The following NEURL1B variants were observed in gnomAD, a reference collection of about 807,000 sequenced individuals.
The protein encoded by NEURL1B is neuralized E3 ubiquitin protein ligase 1B, also known as E3 ubiquitin-protein ligase NEURL1B.
NEURL1B carries 13 observed loss-of-function variants against 37.4 expected under a neutral mutation model. The observed-to-expected ratio is 0.35, with a 90% CI of 0.23 to 0.55. The LOEUF (loss-of-function observed/expected upper bound fraction) is 0.55. Among genes scored for constraint, NEURL1B ranks in the 20% least tolerant of loss-of-function variants. The pLI is 0.89. For synonymous variants in NEURL1B, 432 were observed against 426.6 expected, an observed-to-expected ratio of 1.01 and a Z score of -0.16; for missense variants, 790 against 879.2, an observed-to-expected ratio of 0.90 and a Z score of 1.28.
intron 1 of NEURL1B, among the ~76,000 whole-genome samples, chr5:172,648,736 T>C (rs1176700720): frequency 6.6e-6 from 1 of 152,274 alleles, no homozygotes; most frequent in African/African-American, 2.4e-5. Flanking sequence ...GGTTCATTTT[T>C]AATTGCTCAC....
chr5:172,660,865 A>G (rs186247706), intron 1 of NEURL1B, among the ~76,000 whole-genome samples: 7 of 152,246 alleles, frequency 4.6e-5, no homozygotes, highest in Admixed American at 4.6e-4. Context: ...TCCTGACCTC[A>G]GGTGATCTGT....
At chr5:172,671,741 T>C (rs6875344) in intron 2 of NEURL1B, among the ~76,000 whole-genome samples, 117,158 of 152,278 alleles carry the variant, frequency 0.77, 45,998 homozygotes, top group African/African-American at 0.94. Flanking sequence ...AGCCCTGCAT[T>C]TTGTGGGAAA....
chr5:172,670,209 C>T lies in NEURL1B; in HGVS notation c.456C>T (p.Gly152=). 2.1e-6 allele frequency: 3 copies of T among 1,453,348 alleles called. No homozygotes were observed. The highest frequency in any genetic ancestry group is 2.8e-5 in the East Asian group (1 of 35,886). The allele number at this position is 1,453,348 out of a possible 1,614,324, so 90.0% of individuals were successfully genotyped here. ...TVLAYWADRH[G]RVFYSVNDGE... ...TGGCCTACTGGGCCGACCGCCACGG[C>T]CGCGTGTTCTACAGCGTGAACGACG... Residue 152 remains glycine, a synonymous_variant, in exon 2 of 5, where the codon GGC becomes GGT. Transcript: ENST00000369800.
intron 2 of NEURL1B, among the ~76,000 whole-genome samples, chr5:172,680,452 G>A (rs567813971): frequency 2.1e-4 from 32 of 152,348 alleles, no homozygotes; most frequent in Non-Finnish European, 3.5e-4. Context: ...TAAGGCCAGC[G>A]CCTTTAGGGG....
intron 1 of NEURL1B, among the ~76,000 whole-genome samples, chr5:172,656,327 C>T (rs1757776310): frequency 6.6e-6 from 1 of 152,046 alleles, no homozygotes; most frequent in Admixed American, 6.5e-5. Flanking sequence ...AAAAAGGTTG[C>T]TTTACTAGGA....
At chr5:172,666,291 A>C (rs929187557) in intron 1 of NEURL1B, among the ~76,000 whole-genome samples, 1 of 152,202 alleles carries the variant, frequency 6.6e-6, no homozygotes, top group Non-Finnish European at 1.5e-5. Context: ...ACTTTGGGCA[A>C]GTGACTGAAC....
chr5:172,690,698 T>G lies in NEURL1B; in HGVS notation c.*3773T>G, dbSNP rs1249209715. ...GGTGGGTGCCCAAAGGCTGCCTTCT[T>G]GACCAGAACCTGCTGTGCGCTTCAC... On this transcript the variant is annotated 3_prime_UTR_variant, in exon 5 of 5. Coordinates refer to ENST00000369800, the MANE Select transcript of NEURL1B (RefSeq NM_001142651.3). 1 of 152,188 alleles carries G rather than the reference T, an allele frequency of 6.6e-6. No homozygotes were observed. The highest frequency in any genetic ancestry group is 1.5e-5 in the Non-Finnish European group (1 of 68,076). The allele number at this position is 152,188 out of a possible 1,614,324, so 9.4% of individuals were successfully genotyped here.
rs970447317 is a variant in NEURL1B at position 172,686,839 on chromosome 5, G to A, written c.1582G>A (p.Gly528Ser). ...CGHMCLCHSC[G>S]LRLKRQARAC... ...ACACATGTGCCTGTGCCACAGCTGC[G>A]GCCTGCGGCTCAAGCGACAGGCCCG... The change falls in exon 5 of 5, where the codon GGC becomes AGC. Residue 528 changes from glycine (G) to serine (S), a missense_variant. Coordinates refer to ENST00000369800, the MANE Select transcript of NEURL1B (RefSeq NM_001142651.3). This position sits in a 1 kb window ranked among gnomAD's most constrained non-coding sequence, Gnocchi z 7.9. 11 of 1,551,122 alleles carry A rather than the reference G, an allele frequency of 7.1e-6. No individual in the cohort carries two copies. Among genetic ancestry groups the A allele is most frequent in the East Asian group, 2.4e-5 (1 of 40,904 alleles).
chr5:172,664,493 G>C (rs1029672509), intron 1 of NEURL1B, among the ~76,000 whole-genome samples: 7 of 152,084 alleles, frequency 4.6e-5, no homozygotes, highest in Admixed American at 4.6e-4. Context: ...GCGGGTGGGG[G>C]GGACGGGTAG....
intron 3 of NEURL1B, among the ~76,000 whole-genome samples, chr5:172,684,475 C>A (rs1262784458): frequency 6.6e-6 from 1 of 152,158 alleles, no homozygotes; most frequent in Middle Eastern, 3.2e-3. Flanking sequence ...GCTTGGCAGG[C>A]TATATCCCCT....
chr5:172,660,196 T>G (rs1221106734), intron 1 of NEURL1B, among the ~76,000 whole-genome samples: 2 of 152,196 alleles, frequency 1.3e-5, no homozygotes, highest in African/African-American at 4.8e-5. Context: ...AAGTTGGAGT[T>G]TCCTGGGTCC....
intron 3 of NEURL1B, among the ~76,000 whole-genome samples, chr5:172,685,904 G>C (rs72809922): frequency 6.6e-6 from 1 of 152,246 alleles, no homozygotes; most frequent in Non-Finnish European, 1.5e-5. Context: ...CTGTTGGCCT[G>C]GCCCTTATCC....
rs1758554079 is a variant in NEURL1B at position 172,688,258 on chromosome 5, G to A, written c.*1333G>A. On this transcript the variant is annotated 3_prime_UTR_variant, in exon 5 of 5. Transcript: ENST00000369800. This position sits in a 1 kb window ranked among gnomAD's most constrained non-coding sequence, Gnocchi z 4.3. ...CCCTCTTCTGTGCTGTCCCATTAGG[G>A]AAGTCCCTTGGCCTGTCTATTTTTC... The A allele has an allele frequency of 6.5e-6, 1 of 152,868 alleles. No homozygotes were observed. 9.5% of individuals were successfully genotyped at this position (152,868 alleles called of 1,614,324 possible). A position where few individuals can be genotyped will look rare whatever the true frequency, so the allele number is the denominator to read the frequency against.
chr5:172,669,590 T>C (rs1032862098), intron 1 of NEURL1B, among the ~76,000 whole-genome samples, 195 bp from the exon 2 acceptor site: 7 of 152,214 alleles, frequency 4.6e-5, no homozygotes, highest in Non-Finnish European at 1.0e-4. Context: ...ACGGGTATGC[T>C]GACTGCTGTG....
At chr5:172,684,246 C>G (rs1758436582) in intron 3 of NEURL1B, 108 bp downstream of exon 3, 1 of 978,734 alleles carries the variant, frequency 1.0e-6, no homozygotes, top group African/African-American at 1.7e-5. Context: ...GGCGCTGCAC[C>G]GCCCGAGGCC....
Position 172,686,100 on chromosome 5 carries a change from G to T in NEURL1B, c.1298-71G>T. ...GACGGGAAAGCTAAGGTGCAAAGCA[G>T]TGAAGAACCATGGACTAGCAGGGCA... On this transcript the variant is annotated intron_variant, in intron 3 of 4. Coordinates refer to ENST00000369800, the MANE Select transcript of NEURL1B (RefSeq NM_001142651.3). This position sits in a 1 kb window ranked among gnomAD's most constrained non-coding sequence, Gnocchi z 7.9. 1 of 1,530,314 alleles carries T rather than the reference G, an allele frequency of 6.5e-7. No homozygotes were observed. Among genetic ancestry groups the T allele is most frequent in the South Asian group, 1.2e-5 (1 of 80,692 alleles). 94.8% of individuals were successfully genotyped at this position (1,530,314 alleles called of 1,614,324 possible). A position where few individuals can be genotyped will look rare whatever the true frequency, so the allele number is the denominator to read the frequency against.
In NEURL1B at chr5:172,686,062, G is replaced by C; in HGVS notation, c.1298-109G>C. ...CAGCAGAACCCTGGGAGATACCTCT[G>C]GTCCTCTCGTTAGACGGGAAAGCTA... On this transcript the variant is annotated intron_variant, in intron 3 of 4. Transcript: ENST00000369800. This position sits in a 1 kb window ranked among gnomAD's most constrained non-coding sequence, Gnocchi z 7.9. 2 of 1,318,020 alleles carry C rather than the reference G, an allele frequency of 1.5e-6. No homozygotes were observed. The highest frequency in any genetic ancestry group is 2.9e-5 in the South Asian group (2 of 69,236). 81.6% of individuals were successfully genotyped at this position (1,318,020 alleles called of 1,614,324 possible). A position where few individuals can be genotyped will look rare whatever the true frequency, so the allele number is the denominator to read the frequency against.
At chr5:172,654,980 TTCTG>T (rs1389020724) in intron 1 of NEURL1B, among the ~76,000 whole-genome samples, 3 of 152,170 alleles carry the variant, frequency 2.0e-5, no homozygotes, top group Admixed American at 1.3e-4. Flanking sequence ...CTCTTTGTCT[TTCTG>T]TCTCTTCTCT....
Position 172,686,572 on chromosome 5 carries a change from G to C in NEURL1B, c.1424-109G>C. On this transcript the variant is annotated intron_variant, in intron 4 of 4. Coordinates refer to ENST00000369800, the MANE Select transcript of NEURL1B (RefSeq NM_001142651.3). The surrounding 1 kb of genome is among the most constrained non-coding windows in gnomAD (Gnocchi z 7.9). ...AAACTCAAATTAGTATCTCCCAAAA[G>C]TATTCTCCCACCGGTCCCAGCAAGA... is the stretch of plus-strand genomic sequence containing the variant. The C allele has an allele frequency of 1.6e-6, 2 of 1,287,042 alleles. No individual in the cohort carries two copies. The highest frequency in any genetic ancestry group is 2.1e-6 in the Non-Finnish European group (2 of 939,572). The allele number at this position is 1,287,042 out of a possible 1,614,324, so 79.7% of individuals were successfully genotyped here. A position where few individuals can be genotyped will look rare whatever the true frequency, so the allele number is the denominator to read the frequency against.
Sources: allele counts gnomAD v4.1 joint callset (sites outside exome capture counted in the v4.1 genomes callset), GRCh38; gene constraint gnomAD v4.1.1; non-coding constraint Gnocchi (gnomAD v3.1); transcripts MANE v1.5; gene names NCBI Gene and HGNC (gene_info 2026-07-23, HGNC 2026-07-21).